Variants in TNKS observed in about 807,000 individuals in gnomAD.
TNKS encodes poly [ADP-ribose] polymerase tankyrase-1.
A neutral mutation model predicts 135.8 loss-of-function variants in TNKS; 72 were observed. The ratio of observed to expected loss-of-function variants is 0.53; its 90% confidence interval spans 0.44 to 0.64. The LOEUF (loss-of-function observed/expected upper bound fraction) is 0.64. Among genes scored for constraint, TNKS ranks in the 30% least tolerant of loss-of-function variants. The probability of loss-of-function intolerance (pLI) is 0.00; values close to 1 mark genes in which losing one functional copy is unlikely to be tolerated. For missense variants in TNKS, 1,769 were observed against 1,674.0 expected, an observed-to-expected ratio of 1.06 and a Z score of -0.99; for synonymous variants, 849 against 649.3, an observed-to-expected ratio of 1.31 and a Z score of -4.68.
At chr8:9,613,055 G>A (rs1799519808) in intron 2 of TNKS, among the ~76,000 whole-genome samples, 1 of 152,064 alleles carries the variant, frequency 6.6e-6, no homozygotes, top group Non-Finnish European at 1.5e-5. Context: ...TCTCAGGGGT[G>A]GCAGAGACAG....
At chr8:9,570,229 C>T (rs780703255) in intron 1 of TNKS, among the ~76,000 whole-genome samples, 1 of 152,008 alleles carries the variant, frequency 6.6e-6, no homozygotes, top group Non-Finnish European at 1.5e-5. Context: ...TGCTTGAGCC[C>T]AGGAGTTTGA....
chr8:9,757,495 T>C (rs923442477), intron 20 of TNKS, among the ~76,000 whole-genome samples: 1 of 152,188 alleles, frequency 6.6e-6, no homozygotes, highest in African/African-American at 2.4e-5. Context: ...ACTTCCCTCC[T>C]TCCCCTGACT....
intron 11 of TNKS, 102 bp from the exon 12 acceptor site, chr8:9,720,272 C>A: frequency 1.8e-6 from 2 of 1,111,766 alleles, no homozygotes; most frequent in African/African-American, 1.9e-5. Context: ...TTTTTAAAAG[C>A]TTTGAAAGTT....
chr8:9,745,794 T>G (rs1324230404), intron 17 of TNKS, among the ~76,000 whole-genome samples: 1 of 152,168 alleles, frequency 6.6e-6, no homozygotes, highest in Non-Finnish European at 1.5e-5. Flanking sequence ...TGTACTTTTG[T>G]TTTTAGATAA....
rs566500365 is a variant in TNKS at position 9,775,737 on chromosome 8, A to G, written c.3898-913A>G. On this transcript the variant is annotated intron_variant, in intron 26 of 26. Coordinates refer to ENST00000310430, the MANE Select transcript of TNKS (RefSeq NM_003747.3). ...CCTTTTATTATCTTATCCTGTATCTATATGCAAGTAGTTTGTTGGTCAGCA... is the reference window on the plus strand; with the variant it reads ...CCTTTTATTATCTTATCCTGTATCTGTATGCAAGTAGTTTGTTGGTCAGCA... 5.3e-4 allele frequency among the ~76,000 whole-genome samples: 81 copies of G among 151,964 alleles called. 1 individual carries two copies. In the South Asian group the frequency reaches 0.015, roughly 28 times the overall value.
intron 12 of TNKS, among the ~76,000 whole-genome samples, chr8:9,722,840 A>G (rs1377208697): frequency 6.6e-6 from 1 of 152,170 alleles, no homozygotes; most frequent in Non-Finnish European, 1.5e-5. Context: ...GATAATTAAC[A>G]AAATGGAGAA....
Position 9,732,091 on chromosome 8 carries a change from T to C in TNKS, c.2147+1056T>C, listed in dbSNP as rs140543698. ...GCGTGAGCCACTGCACCCAGCCCTA[T>C]ATGAATGTTTTTATATAGTCTGTAA... On this transcript the variant is annotated intron_variant, in intron 14 of 26. Coordinates refer to ENST00000310430, the MANE Select transcript of TNKS (RefSeq NM_003747.3). Among the ~76,000 whole-genome samples, 15 of 152,340 alleles carry C rather than the reference T, an allele frequency of 9.8e-5. No homozygotes were observed. The East Asian group carries it at 2.7e-3, about 27-fold the overall frequency.
intron 5 of TNKS, among the ~76,000 whole-genome samples, chr8:9,703,530 C>G (rs115720549): frequency 6.6e-6 from 1 of 152,270 alleles, no homozygotes; most frequent in African/African-American, 2.4e-5. Context: ...ACTTCCTGTT[C>G]AGGACTCTTC....
At chr8:9,686,406 T>C (rs1219352300) in intron 5 of TNKS, among the ~76,000 whole-genome samples, 1 of 152,190 alleles carries the variant, frequency 6.6e-6, no homozygotes, top group African/African-American at 2.4e-5. Context: ...CCTAGCACCG[T>C]AGCTCATACC....
At chr8:9,726,795 A>T in intron 13 of TNKS, 75 bp downstream of exon 13, 2 of 1,159,410 alleles carry the variant, frequency 1.7e-6, no homozygotes, top group Non-Finnish European at 2.5e-6. Flanking sequence ...GCTTCTAAGT[A>T]TATCTACTCA....
At chr8:9,579,386 A>G (rs529448582) in intron 1 of TNKS, among the ~76,000 whole-genome samples, 21 of 152,148 alleles carry the variant, frequency 1.4e-4, no homozygotes, top group Non-Finnish European at 2.5e-4. Context: ...ATACCCATAC[A>G]TTCATCCCCA....
chr8:9,574,350 C>A (rs1320219074), intron 1 of TNKS, among the ~76,000 whole-genome samples: 1 of 152,182 alleles, frequency 6.6e-6, no homozygotes, highest in Admixed American at 6.5e-5. Flanking sequence ...AGCTAGAAAT[C>A]TGAGAGCCAG....
At chr8:9,773,246 A>T (rs574224298) in intron 26 of TNKS, among the ~76,000 whole-genome samples, 1 of 152,266 alleles carries the variant, frequency 6.6e-6, no homozygotes, top group South Asian at 2.1e-4. Context: ...TATCACAATA[A>T]AAAATTTAAA....
At chr8:9,705,015 G>T (rs963435631) in intron 6 of TNKS, among the ~76,000 whole-genome samples, 1 of 152,020 alleles carries the variant, frequency 6.6e-6, no homozygotes. Context: ...GTTGCAGTTA[G>T]GGTTTTTCAA....
chr8:9,610,468 G>A (rs914075853), intron 2 of TNKS, among the ~76,000 whole-genome samples: 8 of 151,868 alleles, frequency 5.3e-5, no homozygotes, highest in South Asian at 4.1e-4. Context: ...AGGATCTATC[G>A]TGTTTCAGTT....
chr8:9,671,873 T>A (rs898762647), intron 3 of TNKS, among the ~76,000 whole-genome samples: 1 of 152,218 alleles, frequency 6.6e-6, no homozygotes, highest in African/African-American at 2.4e-5. Flanking sequence ...AAGTGGAAAA[T>A]TCCTGAAATA....
chr8:9,664,623 C>T (rs1801903330), intron 3 of TNKS, among the ~76,000 whole-genome samples: 1 of 152,132 alleles, frequency 6.6e-6, no homozygotes, highest in Non-Finnish European at 1.5e-5. Flanking sequence ...ATACATATTT[C>T]TTATTATAAA....
Position 9,763,158 on chromosome 8 carries a change from T to C in TNKS, c.3286T>C (p.Tyr1096His). 6.3e-7 allele frequency: 1 copy of C among 1,595,740 alleles called. No homozygotes were observed. The highest frequency in any genetic ancestry group is 8.6e-7 in the Non-Finnish European group (1 of 1,169,004). Reference protein sequence around the residue: ...LLGGQQGTNPYLTFHCVNQGT... With the variant: ...LLGGQQGTNPHLTFHCVNQGT... Reference sequence around the variant, plus strand: ...TTTCTCTCCGACAGGCACCAATCCTTATTTGACTTTTCACTGTGTTAATCA... The same window carrying C: ...TTTCTCTCCGACAGGCACCAATCCTCATTTGACTTTTCACTGTGTTAATCA... Residue 1096 changes from tyrosine (Y) to histidine (H), a missense_variant, in exon 22 of 27, where the codon TAT (tyrosine) becomes CAT (histidine). Tyr to His is a moderately conservative substitution (Grantham distance 83, BLOSUM62 2). Transcript: ENST00000310430.
chr8:9,772,777 A>T (rs776155282), intron 26 of TNKS, among the ~76,000 whole-genome samples: 3 of 149,168 alleles, frequency 2.0e-5, no homozygotes, highest in Non-Finnish European at 4.4e-5. Flanking sequence ...TATAACTTGT[A>T]AACGTTTTGG....
Sources: allele counts gnomAD v4.1 joint callset (sites outside exome capture counted in the v4.1 genomes callset), GRCh38; gene constraint gnomAD v4.1.1; transcripts MANE v1.5; gene names NCBI Gene and HGNC (gene_info 2026-07-23, HGNC 2026-07-21).